The following TNRC6C variants were observed in gnomAD, a reference collection of about 807,000 sequenced individuals.
The protein encoded by TNRC6C is trinucleotide repeat-containing gene 6C protein.
A neutral mutation model predicts 153.7 loss-of-function variants in TNRC6C; 20 were observed. The observed-to-expected ratio is 0.13, with a 90% CI of 0.09 to 0.19. The LOEUF (loss-of-function observed/expected upper bound fraction) is 0.19. Ranked by LOEUF, TNRC6C falls within the 10% of genes least tolerant of loss-of-function variation. The probability of loss-of-function intolerance (pLI) is 1.00; values close to 1 mark genes in which losing one functional copy is unlikely to be tolerated. For missense variants in TNRC6C, 1,987 were observed against 2,172.0 expected (o/e 0.91, Z 1.69); for synonymous variants, 811 against 841.4 (o/e 0.96, Z 0.63).
At chr17:78,025,533 A>C (rs1280943834) in intron 1 of TNRC6C, among the ~76,000 whole-genome samples, 2 of 152,220 alleles carry the variant, frequency 1.3e-5, no homozygotes, top group Admixed American at 6.5e-5. Flanking sequence ...ATTATGAATA[A>C]AGCTGCTATA....
chr17:78,036,976 T>G (rs2072192116), intron 2 of TNRC6C, among the ~76,000 whole-genome samples: 2 of 152,082 alleles, frequency 1.3e-5, no homozygotes, highest in Admixed American at 6.5e-5. Context: ...TGACAGTTAT[T>G]TATTTCATTA....
chr17:78,029,035 C>G (rs2072004079), intron 1 of TNRC6C, among the ~76,000 whole-genome samples: 1 of 152,130 alleles, frequency 6.6e-6, no homozygotes, highest in African/African-American at 2.4e-5. Flanking sequence ...TCTTCTGCTC[C>G]TTTTTTAAAA....
chr17:78,057,111 T>A (rs2072674450), intron 3 of TNRC6C, among the ~76,000 whole-genome samples: 1 of 152,172 alleles, frequency 6.6e-6, no homozygotes, highest in African/African-American at 2.4e-5. Context: ...TTTTTTTCCA[T>A]GTGGAAGTGT....
chr17:77,962,492 C>T (rs2070869419), intron 1 of TNRC6C, among the ~76,000 whole-genome samples: 1 of 152,066 alleles, frequency 6.6e-6, no homozygotes, highest in South Asian at 2.1e-4. Flanking sequence ...CAAAGATTAC[C>T]AAGAGCAACT....
chr17:78,088,229 TC>T (rs1184018500), intron 13 of TNRC6C, among the ~76,000 whole-genome samples: 4 of 152,196 alleles, frequency 2.6e-5, no homozygotes, highest in Non-Finnish European at 1.5e-5. Context: ...GACTAGATGA[TC>T]TCGTTCCTTA....
chr17:77,960,644 G>A (rs1308943124), intron 1 of TNRC6C, among the ~76,000 whole-genome samples: 1 of 152,152 alleles, frequency 6.6e-6, no homozygotes, highest in Non-Finnish European at 1.5e-5. Flanking sequence ...AAGAATAAAT[G>A]ATAAAACTTA....
chr17:78,077,107 T>C lies in TNRC6C; in HGVS notation c.3061-78T>C, dbSNP rs112421609. 3.0e-5 allele frequency: 44 copies of C among 1,490,688 alleles called. No homozygotes were observed. In the African/African-American group the frequency reaches 4.9e-4, roughly 17 times the overall value. The allele number at this position is 1,490,688 out of a possible 1,614,324, so 92.3% of individuals were successfully genotyped here. Reference sequence around the variant, plus strand: ...ATTATTTATCCATCCACGCCTCCTCTGTTTCCTTGGGAAACTGTTTGGTGC... The same window carrying C: ...ATTATTTATCCATCCACGCCTCCTCCGTTTCCTTGGGAAACTGTTTGGTGC... On this transcript the variant is annotated intron_variant, in intron 8 of 19. Coordinates refer to ENST00000301624, the Ensembl canonical transcript of TNRC6C.
chr17:77,965,742 T>C (rs2070891981), intron 1 of TNRC6C, among the ~76,000 whole-genome samples: 1 of 152,202 alleles, frequency 6.6e-6, no homozygotes, highest in Non-Finnish European at 1.5e-5. Flanking sequence ...TATTAAAAAG[T>C]TGACAAAAAC....
chr17:77,995,735 C>CACACAG (rs2071318810), intron 1 of TNRC6C, among the ~76,000 whole-genome samples: 1 of 152,000 alleles, frequency 6.6e-6, no homozygotes, highest in Non-Finnish European at 1.5e-5. Context: ...CACACACACA[C>CACACAG]ACACGTGTCA....
At chr17:77,986,556 ATG>A (rs2071172597) in intron 1 of TNRC6C, among the ~76,000 whole-genome samples, 2 of 152,228 alleles carry the variant, frequency 1.3e-5, no homozygotes, top group East Asian at 1.9e-4. Flanking sequence ...TTTTTAAAAA[ATG>A]TATTTTTCTT....
chr17:78,050,455 TC>T lies in TNRC6C; in HGVS notation c.1397del (p.Pro466LeufsTer33), dbSNP rs1276818464. ...AAACACTGCCTGGGAATTTGAAGAA[TC>T]CCCTAGGTCTGAAAGGAAAAATGAC... is the stretch of plus-strand genomic sequence containing the variant. On this transcript the variant is annotated frameshift_variant, in exon 3 of 20. Coordinates refer to ENST00000301624, the Ensembl canonical transcript of TNRC6C. LOFTEE classifies it high-confidence loss of function. 1 of 1,613,930 alleles carries T rather than the reference TC, an allele frequency of 6.2e-7. No individual in the cohort carries two copies. Among genetic ancestry groups the T allele is most frequent in the Non-Finnish European group, 8.5e-7 (1 of 1,179,888 alleles).
At chr17:78,063,088 A>G (rs1037208377) in intron 3 of TNRC6C, among the ~76,000 whole-genome samples, 2 of 151,876 alleles carry the variant, frequency 1.3e-5, no homozygotes, top group Admixed American at 1.3e-4. Flanking sequence ...CTTACTAAAA[A>G]TTCAAAAATT....
intron 7 of TNRC6C, among the ~76,000 whole-genome samples, chr17:78,073,977 G>A (rs1200621357): frequency 1.3e-5 from 2 of 152,132 alleles, no homozygotes; most frequent in Non-Finnish European, 2.9e-5. Context: ...CTGAGCAGCC[G>A]CACATACAGG....
intron 1 of TNRC6C, among the ~76,000 whole-genome samples, chr17:77,990,498 C>T (rs2071233653): frequency 6.6e-6 from 1 of 152,168 alleles, no homozygotes; most frequent in Non-Finnish European, 1.5e-5. Flanking sequence ...TCCTGTGTGC[C>T]TTCCCACTGT....
intron 1 of TNRC6C, among the ~76,000 whole-genome samples, chr17:78,013,969 A>T (rs1295715114): frequency 6.6e-6 from 1 of 152,214 alleles, no homozygotes; most frequent in Non-Finnish European, 1.5e-5. Flanking sequence ...ATCAGTTTGA[A>T]ATAAGGCCAA....
At chr17:78,089,498 C>G (rs189044098) in intron 13 of TNRC6C, among the ~76,000 whole-genome samples, 36 of 152,206 alleles carry the variant, frequency 2.4e-4, no homozygotes, top group African/African-American at 7.5e-4. Flanking sequence ...TGTTGAAGAG[C>G]CTGTTAGACA....
In TNRC6C at chr17:78,049,256, G is replaced by A. The variant is rs2072469972; in HGVS notation, c.194G>A (p.Cys65Tyr). The A allele has an allele frequency of 1.2e-6, 2 of 1,611,520 alleles. No individual in the cohort carries two copies. Among genetic ancestry groups the A allele is most frequent in the Admixed American group, 1.7e-5 (1 of 59,878 alleles). ...GGCTCCAGCTCTGGCCTGGCTCACT[G>A]CTCTGTCAGTGGTGGGGATGGAAAA... Residue 65 changes from cysteine (C) to tyrosine (Y), a missense_variant, in exon 3 of 20, where the codon TGC (cysteine) becomes TAC (tyrosine). By Grantham distance (194) the Cys-to-Tyr change is radical. Coordinates refer to ENST00000301624, the Ensembl canonical transcript of TNRC6C. The surrounding 1 kb of genome is among the most constrained non-coding windows in gnomAD (Gnocchi z 4.1).
intron 4 of TNRC6C, among the ~76,000 whole-genome samples, chr17:78,067,282 G>A (rs1475315301): frequency 6.6e-6 from 1 of 152,140 alleles, no homozygotes; most frequent in Non-Finnish European, 1.5e-5. Context: ...GGAGTTTGAG[G>A]TTGCAGTGAG....
At chr17:78,068,500 A>C (rs2072926075) in intron 5 of TNRC6C, among the ~76,000 whole-genome samples, 1 of 152,204 alleles carries the variant, frequency 6.6e-6, no homozygotes, top group Non-Finnish European at 1.5e-5. Context: ...GAAGTCTTAA[A>C]ACAGATGGGC....
Sources: allele counts gnomAD v4.1 joint callset (sites outside exome capture counted in the v4.1 genomes callset), GRCh38; gene constraint gnomAD v4.1.1; non-coding constraint Gnocchi (gnomAD v3.1); transcripts MANE v1.5; gene names NCBI Gene and HGNC (gene_info 2026-07-23, HGNC 2026-07-21).